PRRG1: variants seen among roughly 807,000 people sequenced by gnomAD.
The protein encoded by PRRG1 is transmembrane gamma-carboxyglutamic acid protein 1.
A neutral mutation model predicts 11.8 loss-of-function variants in PRRG1; 5 were observed. That is an observed-to-expected ratio of 0.42 (90% CI 0.22 to 0.89). PRRG1 has a LOEUF of 0.89. Ranked by LOEUF, PRRG1 falls within the 40% of genes least tolerant of loss-of-function variation. PRRG1 has a pLI of 0.28. For missense variants in PRRG1, 155 were observed against 166.1 expected (o/e 0.93, Z 0.37); for synonymous variants, 66 against 60.4 (o/e 1.09, Z -0.43).
chrX:37,381,148 T>C (rs949945213), intron 1 of PRRG1, among the ~76,000 whole-genome samples: 1 of 111,590 alleles, frequency 9.0e-6, no homozygotes, highest in African/African-American at 3.3e-5. Context: ...AGAGTGACCA[T>C]CTGACATTGG....
intron 1 of PRRG1, among the ~76,000 whole-genome samples, chrX:37,401,949 A>G (rs1337419467): frequency 9.0e-6 from 1 of 110,935 alleles, no homozygotes; most frequent in Non-Finnish European, 1.9e-5. Context: ...GACCTCTTCA[A>G]GGAGAACTAC....
chrX:37,350,510 G>A (rs1556364558), intron 1 of PRRG1, among the ~76,000 whole-genome samples: 1 of 111,064 alleles, frequency 9.0e-6, no homozygotes, highest in Non-Finnish European at 1.9e-5. Flanking sequence ...CAAGATCTTG[G>A]GCCGACTCAC....
At chrX:37,385,284 G>C (rs1178120984) in intron 1 of PRRG1, among the ~76,000 whole-genome samples, 1 of 110,620 alleles carries the variant, frequency 9.0e-6, no homozygotes, top group Non-Finnish European at 1.9e-5. Context: ...CACACAAAAC[G>C]TGTAATAAGT....
chrX:37,379,907 A>G lies in PRRG1; in HGVS notation c.-41-26302A>G, dbSNP rs1472963350. The stretch of plus-strand genomic sequence containing the variant: ...GGCCTCCTCCCTCAAAGAACTTGCA[A>G]TCTGGGGAGAATAATATACACACAG... On this transcript the variant is annotated intron_variant, in intron 1 of 3. Coordinates refer to ENST00000378628, the MANE Select transcript of PRRG1 (RefSeq NM_001142395.2). 4.5e-5 allele frequency among the ~76,000 whole-genome samples: 5 copies of G among 111,252 alleles called. 1 individual carries two copies. The highest frequency in any genetic ancestry group is 1.6e-4 in the African/African-American group (5 of 30,660).
At chrX:37,398,997 A>G (rs1556379310) in intron 1 of PRRG1, among the ~76,000 whole-genome samples, 1 of 112,263 alleles carries the variant, frequency 8.9e-6, no homozygotes, top group African/African-American at 3.2e-5. Flanking sequence ...GACCAAATCT[A>G]CATCTGATTG....
chrX:37,433,502 T>C (rs1251366548), intron 3 of PRRG1, among the ~76,000 whole-genome samples: 1 of 110,608 alleles, frequency 9.0e-6, no homozygotes, highest in Non-Finnish European at 1.9e-5. Context: ...CTACCTTAAA[T>C]TGCAACCGCT....
intron 1 of PRRG1, among the ~76,000 whole-genome samples, chrX:37,398,816 G>A (rs1192733071): frequency 1.8e-5 from 2 of 110,877 alleles, no homozygotes; most frequent in Admixed American, 1.9e-4. Flanking sequence ...GCCAAGGCTC[G>A]AGAACTACGT....
intron 1 of PRRG1, among the ~76,000 whole-genome samples, chrX:37,401,346 A>G (rs1931968920): frequency 9.0e-6 from 1 of 111,379 alleles, no homozygotes; most frequent in African/African-American, 3.3e-5. Flanking sequence ...AAATCAATAA[A>G]TGTAATCCAG....
intron 1 of PRRG1, among the ~76,000 whole-genome samples, chrX:37,397,977 A>AAC (rs782125904): frequency 0.61 from 50,555 of 83,516 alleles, 13,937 homozygotes; most frequent in Non-Finnish European, 0.76. Context: ...TATAAAAACT[A>AAC]ACACACACAC....
chrX:37,449,802 A>G (rs1556396082), intron 3 of PRRG1, among the ~76,000 whole-genome samples: 1 of 112,719 alleles, frequency 8.9e-6, no homozygotes, highest in African/African-American at 3.2e-5. Flanking sequence ...CCAGCCACTA[A>G]TGTTAAATCC....
rs1190932140 is a variant in PRRG1, at chrX:37,401,479, G to A, written c.-41-4730G>A. ...TCAATAAGTTAGGTATTGATGGGAC[G>A]TATCTCAAAATAATAAGAGCTATCT... On this transcript the variant is annotated intron_variant, in intron 1 of 3. Transcript: ENST00000378628. 3.3e-4 allele frequency among the ~76,000 whole-genome samples: 36 copies of A among 110,600 alleles called. No individual in the cohort carries two copies. In the South Asian group the frequency reaches 5.1e-3, roughly 16 times the overall value.
At chrX:37,383,388 G>C (rs1296292646) in intron 1 of PRRG1, among the ~76,000 whole-genome samples, 2 of 110,939 alleles carry the variant, frequency 1.8e-5, no homozygotes, top group African/African-American at 3.3e-5. Flanking sequence ...ATATATTCTT[G>C]AGAATTGAGG....
At chrX:37,410,650 C>A (rs1932325701) in intron 2 of PRRG1, among the ~76,000 whole-genome samples, 1 of 112,024 alleles carries the variant, frequency 8.9e-6, no homozygotes, top group African/African-American at 3.2e-5. Flanking sequence ...ATCCTCTGAG[C>A]AGCAGTGGTC....
intron 2 of PRRG1, among the ~76,000 whole-genome samples, chrX:37,410,562 T>C (rs1465246081): frequency 1.8e-5 from 2 of 112,169 alleles, no homozygotes; most frequent in Non-Finnish European, 3.8e-5. Flanking sequence ...CGAAGGGAAA[T>C]GGCTCATTGT....
chrX:37,393,838 C>T (rs782101591), intron 1 of PRRG1, among the ~76,000 whole-genome samples: 6 of 111,472 alleles, frequency 5.4e-5, no homozygotes, highest in African/African-American at 1.6e-4. Flanking sequence ...ATTTTTTGAA[C>T]GACTACATAT....
chrX:37,400,439 A>C (rs1466247358), intron 1 of PRRG1, among the ~76,000 whole-genome samples: 1 of 111,364 alleles, frequency 9.0e-6, no homozygotes, highest in African/African-American at 3.3e-5. Flanking sequence ...ACCAACGAGA[A>C]CAAAGACACA....
At chrX:37,382,259 A>G (rs939923181) in intron 1 of PRRG1, among the ~76,000 whole-genome samples, 15 of 111,329 alleles carry the variant, frequency 1.3e-4, no homozygotes, top group African/African-American at 4.9e-4. Context: ...TAATTGACAC[A>G]TGTGAAGAGC....
intron 1 of PRRG1, among the ~76,000 whole-genome samples, chrX:37,397,082 C>T (rs1016386897): frequency 1.8e-5 from 2 of 112,617 alleles, no homozygotes; most frequent in Non-Finnish European, 1.9e-5. Context: ...CAGGAAAGAA[C>T]AGTCTCCCAC....
At chrX:37,437,315 G>T (rs1241173905) in intron 3 of PRRG1, among the ~76,000 whole-genome samples, 1 of 110,909 alleles carries the variant, frequency 9.0e-6, no homozygotes, top group African/African-American at 3.3e-5. Context: ...CGGGGGGGGA[G>T]GTGCTCTCCT....
Sources: gnomAD v4.1 joint callset for allele counts (sites outside exome capture counted in the v4.1 genomes callset) on GRCh38, gnomAD v4.1.1 for gene constraint, MANE v1.5 for transcripts, NCBI Gene and HGNC (gene_info 2026-07-23, HGNC 2026-07-21) for gene names.